The following MARCHF1 variants were observed in gnomAD, a reference collection of about 807,000 sequenced individuals.
The protein encoded by MARCHF1 is membrane associated ring-CH-type finger 1.
A neutral mutation model predicts 54.2 loss-of-function variants in MARCHF1; 40 were observed. The observed-to-expected ratio is 0.74, with a 90% CI of 0.57 to 0.96. The LOEUF (loss-of-function observed/expected upper bound fraction) is 0.96. Among genes scored for constraint, MARCHF1 ranks in the 40% least tolerant of loss-of-function variants. The pLI is 0.00. For missense variants in MARCHF1, 586 were observed against 656.5 expected (o/e 0.89, Z 1.17); for synonymous variants, 236 against 236.3 (o/e 1.00, Z 0.01).
intron 1 of MARCHF1, among the ~76,000 whole-genome samples, chr4:164,343,277 A>G (rs990012202): frequency 6.6e-6 from 1 of 152,126 alleles, no homozygotes; most frequent in African/African-American, 2.4e-5. Flanking sequence ...TTTACTTGTC[A>G]ATCATACCTC....
chr4:164,091,433 T>TATAA (rs1006610249), intron 2 of MARCHF1, among the ~76,000 whole-genome samples: 4 of 146,982 alleles, frequency 2.7e-5, no homozygotes, highest in African/African-American at 4.9e-5. Context: ...TATATATGTA[T>TATAA]AAAATGAATT....
intron 3 of MARCHF1, chr4:163,932,590 G>A (rs1193656142): frequency 1.8e-5 from 7 of 383,072 alleles, no homozygotes; most frequent in African/African-American, 1.5e-4. Flanking sequence ...ATGGGTACCT[G>A]CATGAAGGCC....
chr4:163,796,253 G>A (rs1034765709), intron 4 of MARCHF1, among the ~76,000 whole-genome samples: 2 of 122,556 alleles, frequency 1.6e-5, no homozygotes, highest in Non-Finnish European at 3.3e-5. Context: ...TTGAGACAGA[G>A]CCTGGCTCTG....
At chr4:163,720,701 C>T (rs1745422657) in intron 4 of MARCHF1, among the ~76,000 whole-genome samples, 1 of 152,184 alleles carries the variant, frequency 6.6e-6, no homozygotes, top group Non-Finnish European at 1.5e-5. Context: ...TCTTTTACTT[C>T]ACTGAGCTGT....
intron 1 of MARCHF1, among the ~76,000 whole-genome samples, chr4:164,267,189 GA>G (rs1733632476): frequency 6.6e-6 from 1 of 152,194 alleles, no homozygotes; most frequent in Admixed American, 6.5e-5. Flanking sequence ...GCCTGAATAA[GA>G]AATATTCTGG....
intron 4 of MARCHF1, among the ~76,000 whole-genome samples, chr4:163,772,664 T>C (rs1747193793): frequency 6.6e-6 from 1 of 152,208 alleles, no homozygotes; most frequent in African/African-American, 2.4e-5. Flanking sequence ...TGAATCCTTC[T>C]TATACTTTGG....
At chr4:164,160,353 A>T (rs11935658) in intron 1 of MARCHF1, among the ~76,000 whole-genome samples, 1 of 151,944 alleles carries the variant, frequency 6.6e-6, no homozygotes, top group Admixed American at 6.6e-5. Context: ...ACTGAATGCT[A>T]TAGGCAACTG....
chr4:163,732,345 T>G (rs1458910361), intron 4 of MARCHF1, among the ~76,000 whole-genome samples: 11 of 151,988 alleles, frequency 7.2e-5, no homozygotes, highest in Non-Finnish European at 1.6e-4. Context: ...TGCAAACATT[T>G]AAAGTGAAAC....
intron 1 of MARCHF1, among the ~76,000 whole-genome samples, chr4:164,234,583 C>T (rs1040961527): frequency 5.3e-5 from 8 of 151,992 alleles, no homozygotes; most frequent in Non-Finnish European, 1.5e-5. Flanking sequence ...CTAAAGGAAA[C>T]AGTGAAAGAT....
intron 1 of MARCHF1, chr4:164,197,193 C>T: frequency 1.9e-6 from 3 of 1,609,242 alleles, no homozygotes; most frequent in Non-Finnish European, 2.5e-6. Context: ...CATCATACTC[C>T]TCCTCATGCT....
intron 1 of MARCHF1, among the ~76,000 whole-genome samples, chr4:164,147,291 A>C (rs1173798572): frequency 1.3e-5 from 2 of 148,322 alleles, no homozygotes; most frequent in Non-Finnish European, 3.0e-5. Context: ...TAGAACTGGA[A>C]ATACCATTTG....
intron 5 of MARCHF1, among the ~76,000 whole-genome samples, chr4:163,657,713 A>C (rs1444554100): frequency 1.3e-5 from 2 of 152,156 alleles, no homozygotes; most frequent in East Asian, 3.9e-4. Flanking sequence ...AAAAATAGAC[A>C]CATAGACCAA....
chr4:164,184,162 G>A (rs74530887), intron 1 of MARCHF1, among the ~76,000 whole-genome samples: 23,819 of 152,064 alleles, frequency 0.16, 2,649 homozygotes, highest in African/African-American at 0.3. Flanking sequence ...CTCATAAAGT[G>A]TAAAGCTGGT....
intron 3 of MARCHF1, among the ~76,000 whole-genome samples, chr4:163,977,030 C>G (rs1439945769): frequency 6.6e-6 from 1 of 151,830 alleles, no homozygotes; most frequent in African/African-American, 2.4e-5. Flanking sequence ...AACTGAAATA[C>G]CATTTCATAG....
intron 4 of MARCHF1, among the ~76,000 whole-genome samples, chr4:163,840,934 G>C (rs980532961): frequency 6.6e-6 from 1 of 150,868 alleles, no homozygotes; most frequent in Non-Finnish European, 1.5e-5. Context: ...TGGCAAATAT[G>C]CATCAATAAA....
intron 1 of MARCHF1, among the ~76,000 whole-genome samples, chr4:164,165,324 T>A (rs922575248): frequency 2.0e-4 from 30 of 151,844 alleles, no homozygotes; most frequent in African/African-American, 7.0e-4. Flanking sequence ...TAAAAATTAA[T>A]GTTTTTATAG....
intron 2 of MARCHF1, among the ~76,000 whole-genome samples, chr4:164,008,545 C>G (rs1265198335): frequency 6.6e-6 from 1 of 152,028 alleles, no homozygotes; most frequent in Non-Finnish European, 1.5e-5. Context: ...ATTTTCATCA[C>G]TACATGGATC....
At chr4:164,000,000 G>A (rs184936628) in intron 2 of MARCHF1, among the ~76,000 whole-genome samples, 163 of 151,684 alleles carry the variant, frequency 1.1e-3, no homozygotes, top group African/African-American at 3.8e-3. Flanking sequence ...TTAATTGTGC[G>A]AGGTGATAAT....
chr4:164,083,491 A>T (rs958456641), intron 2 of MARCHF1, among the ~76,000 whole-genome samples: 1 of 151,680 alleles, frequency 6.6e-6, no homozygotes, highest in Non-Finnish European at 1.5e-5. Context: ...CTTGGTCCCA[A>T]TTTTTTTTTC....
Sources: allele counts gnomAD v4.1 joint callset (sites outside exome capture counted in the v4.1 genomes callset), GRCh38; gene constraint gnomAD v4.1.1; transcripts MANE v1.5; gene names NCBI Gene and HGNC (gene_info 2026-07-23, HGNC 2026-07-21).